PPARG: variants seen among roughly 807,000 people sequenced by gnomAD.
PPARG encodes peroxisome proliferator-activated receptor gamma.
In PPARG, 17 loss-of-function variants were observed where a neutral mutation model predicts 39.2. The observed-to-expected ratio is 0.43, with a 90% CI of 0.30 to 0.65. The LOEUF (loss-of-function observed/expected upper bound fraction) is 0.65. Among genes scored for constraint, PPARG ranks in the 30% least tolerant of loss-of-function variants. PPARG has a pLI of 0.13. For synonymous variants in PPARG, 223 were observed against 215.7 expected (o/e 1.03, Z -0.30); for missense variants, 406 against 585.9 (o/e 0.69, Z 3.17).
intron 1 of PPARG, among the ~76,000 whole-genome samples, chr3:12,298,776 T>C (rs1015509395): frequency 1.3e-5 from 2 of 152,192 alleles, no homozygotes; most frequent in African/African-American, 4.8e-5. Context: ...AACCTCGATG[T>C]GATGATACCT....
At chr3:12,288,505 G>A (rs1484138858), upstream of PPARG, among the ~76,000 whole-genome samples, 1 of 151,926 alleles carries the variant, frequency 6.6e-6, no homozygotes, top group African/African-American at 2.4e-5. Context: ...AGCGTCGGGA[G>A]CCGCTCCGGG....
At chr3:12,341,098 G>T (rs1372275326) in intron 2 of PPARG, among the ~76,000 whole-genome samples, 4 of 151,948 alleles carry the variant, frequency 2.6e-5, no homozygotes, top group African/African-American at 9.7e-5. Flanking sequence ...CAGAAGAATC[G>T]CTTGAACCTG....
chr3:12,348,339 A>G (rs1004162084), intron 2 of PPARG, among the ~76,000 whole-genome samples: 14 of 152,200 alleles, frequency 9.2e-5, no homozygotes, highest in African/African-American at 3.4e-4. Flanking sequence ...TAAAAGTACC[A>G]AAGTGTGAAG....
chr3:12,411,272 C>T (rs1479097237), intron 6 of PPARG, among the ~76,000 whole-genome samples: 1 of 151,792 alleles, frequency 6.6e-6, no homozygotes, highest in Non-Finnish European at 1.5e-5. Flanking sequence ...CTTTGGCTGG[C>T]AATTGATTTT....
chr3:12,402,517 T>C (rs536855976), intron 5 of PPARG, among the ~76,000 whole-genome samples: 1 of 152,260 alleles, frequency 6.6e-6, no homozygotes, highest in Non-Finnish European at 1.5e-5. Flanking sequence ...GTTACTCATA[T>C]AATTTATATT....
intron 1 of PPARG, among the ~76,000 whole-genome samples, chr3:12,299,205 T>G (rs1217176302): frequency 6.6e-6 from 1 of 152,184 alleles, no homozygotes; most frequent in African/African-American, 2.4e-5. Flanking sequence ...ACAAGCTGTT[T>G]CAGATAAGGA....
At chr3:12,392,152 C>T (rs1194336373) in intron 4 of PPARG, among the ~76,000 whole-genome samples, 1 of 152,126 alleles carries the variant, frequency 6.6e-6, no homozygotes, top group Non-Finnish European at 1.5e-5. Flanking sequence ...AAATTATCCA[C>T]ATGTGGATTT....
intron 1 of PPARG, among the ~76,000 whole-genome samples, chr3:12,296,521 A>G (rs1006880941): frequency 5.9e-5 from 9 of 152,164 alleles, no homozygotes; most frequent in Admixed American, 4.6e-4. Flanking sequence ...GATGATTTCT[A>G]GTAAGCCTTA....
intron 7 of PPARG, among the ~76,000 whole-genome samples, chr3:12,426,279 G>C (rs1352697328): frequency 1.3e-5 from 2 of 152,200 alleles, no homozygotes; most frequent in East Asian, 1.9e-4. Flanking sequence ...CAGAGCGAAG[G>C]CTCTACCAGC....
intron 2 of PPARG, among the ~76,000 whole-genome samples, chr3:12,342,135 G>GTA (rs933352260): frequency 6.6e-6 from 1 of 152,100 alleles, no homozygotes; most frequent in African/African-American, 2.4e-5. Flanking sequence ...ATCCCCTATG[G>GTA]TATATTCAAG....
intron 7 of PPARG, among the ~76,000 whole-genome samples, chr3:12,426,604 A>C (rs2051457333): frequency 6.6e-6 from 1 of 152,202 alleles, no homozygotes; most frequent in African/African-American, 2.4e-5. Context: ...TTGAGGAAGA[A>C]AGAATAGGAA....
chr3:12,426,718 A>G (rs2051461133), intron 7 of PPARG, among the ~76,000 whole-genome samples: 1 of 152,208 alleles, frequency 6.6e-6, no homozygotes, highest in South Asian at 2.1e-4. Context: ...GTAATAGCTA[A>G]TTTACTGTAC....
At chr3:12,379,656 T>C in intron 2 of PPARG, 48 bp from the exon 3 acceptor site, 1 of 1,504,804 alleles carries the variant, frequency 6.6e-7, no homozygotes, top group Non-Finnish European at 9.3e-7. Context: ...GTGAGATTGC[T>C]GTGTTCTCTA....
At chr3:12,333,418 T>C (rs1354274817) in intron 2 of PPARG, among the ~76,000 whole-genome samples, 4 of 152,302 alleles carry the variant, frequency 2.6e-5, no homozygotes, top group Middle Eastern at 3.4e-3. Context: ...TCTTTCTCTT[T>C]CCATCTCTGT....
rs2047272076 is a variant in PPARG, at chr3:12,312,412, TACA to T, written c.-45_-43del. 1 of 152,242 alleles carries T rather than the reference TACA, an allele frequency of 6.6e-6. No individual in the cohort carries two copies. Among genetic ancestry groups the T allele is most frequent in the Non-Finnish European group, 1.5e-5 (1 of 68,038 alleles). 9.4% of individuals were successfully genotyped at this position (152,242 alleles called of 1,614,324 possible). On this transcript the variant is annotated 5_prime_UTR_variant, in exon 2 of 8. Transcript: ENST00000651735. ...AGAAGCCAACACTAAACCACAAATA[TACA>T]ACAAGGCCATTTTCTCAAACGAGAG...
upstream of PPARG, among the ~76,000 whole-genome samples, chr3:12,288,208 G>A (rs923044715): frequency 3.3e-5 from 5 of 151,872 alleles, no homozygotes; most frequent in African/African-American, 7.2e-5. Flanking sequence ...CCGGGGCTGA[G>A]GCAGGGTCAT....
intron 5 of PPARG, among the ~76,000 whole-genome samples, chr3:12,402,833 C>T (rs1190004472): frequency 2.0e-5 from 3 of 152,160 alleles, no homozygotes; most frequent in Non-Finnish European, 2.9e-5. Flanking sequence ...CCTCCTTATT[C>T]CCTGGGATTG....
intron 2 of PPARG, among the ~76,000 whole-genome samples, chr3:12,375,494 T>C (rs894792702): frequency 2.6e-5 from 4 of 152,210 alleles, no homozygotes; most frequent in African/African-American, 9.6e-5. Flanking sequence ...AACTTTGCAA[T>C]AGCATAGTGA....
intron 2 of PPARG, among the ~76,000 whole-genome samples, chr3:12,369,719 G>A (rs1180876835): frequency 1.3e-5 from 2 of 152,164 alleles, no homozygotes; most frequent in African/African-American, 4.8e-5. Context: ...GCTGCTTAAG[G>A]TTGAGCCAAG....
Sources: allele counts gnomAD v4.1 joint callset (sites outside exome capture counted in the v4.1 genomes callset), GRCh38; gene constraint gnomAD v4.1.1; transcripts MANE v1.5; gene names NCBI Gene and HGNC (gene_info 2026-07-23, HGNC 2026-07-21).